Variants in ADHFE1 observed in about 807,000 individuals in gnomAD.
The protein encoded by ADHFE1 is hydroxyacid-oxoacid transhydrogenase, mitochondrial.
In ADHFE1, 37 loss-of-function variants were observed where a neutral mutation model predicts 54.8. The ratio of observed to expected loss-of-function variants is 0.68; its 90% CI spans 0.52 to 0.89. ADHFE1 has a LOEUF of 0.89. ADHFE1 is among the 40% of genes least tolerant of loss of function. The probability of loss-of-function intolerance (pLI) is 0.00; values close to 1 mark genes in which losing one functional copy is unlikely to be tolerated. For missense variants in ADHFE1, 601 were observed against 591.2 expected, an observed-to-expected ratio of 1.02 and a Z score of -0.17; for synonymous variants, 203 against 229.3, an observed-to-expected ratio of 0.89 and a Z score of 1.04.
Position 66,451,084 on chromosome 8 carries a change from C to T in ADHFE1, c.735-869C>T, listed in dbSNP as rs143159871. On this transcript the variant is annotated intron_variant, in intron 8 of 13. Transcript: ENST00000396623. The stretch of plus-strand genomic sequence containing the variant: ...ATTATACTGAAAACTATAATTCATG[C>T]AAAATATAGTTCATGTTACACTGTG... Among the ~76,000 whole-genome samples the T allele has an allele frequency of 6.1e-3, 924 of 152,252 alleles. 5 individuals are homozygous for T. Among genetic ancestry groups the T allele is most frequent in the African/African-American group, 0.022 (896 of 41,528 alleles).
At chr8:66,440,283 A>T in intron 2 of ADHFE1, 84 bp downstream of exon 2, 1 of 1,326,592 alleles carries the variant, frequency 7.5e-7, no homozygotes, top group Non-Finnish European at 1.1e-6. Context: ...GTATGTAAAG[A>T]AAACCAAGGC....
intron 13 of ADHFE1, among the ~76,000 whole-genome samples, chr8:66,461,043 C>T (rs12335128): frequency 0.23 from 35,231 of 152,084 alleles, 4,389 homozygotes; most frequent in African/African-American, 0.3. Context: ...ATCCCTAATT[C>T]GGTAGAATCA....
At chr8:66,437,730 A>G (rs532930322) in intron 1 of ADHFE1, among the ~76,000 whole-genome samples, 1 of 152,224 alleles carries the variant, frequency 6.6e-6, no homozygotes, top group Non-Finnish European at 1.5e-5. Flanking sequence ...GAGAAACAGT[A>G]GATCCTGCCT....
At chr8:66,468,055 T>A (rs975897104) in intron 13 of ADHFE1, among the ~76,000 whole-genome samples, 1 of 152,182 alleles carries the variant, frequency 6.6e-6, no homozygotes, top group East Asian at 1.9e-4. Context: ...CAAGGGGCAG[T>A]GGCTTTCGAA....
At chr8:66,434,692 C>G (rs899821780) in intron 1 of ADHFE1, among the ~76,000 whole-genome samples, 3 of 152,330 alleles carry the variant, frequency 2.0e-5, no homozygotes, top group East Asian at 1.9e-4. Flanking sequence ...CCAACACATT[C>G]CATAGAGCAA....
At chr8:66,445,998 T>C (rs1806004272) in intron 6 of ADHFE1, among the ~76,000 whole-genome samples, 1 of 152,244 alleles carries the variant, frequency 6.6e-6, no homozygotes, top group Admixed American at 6.5e-5. Flanking sequence ...TCTTTTCTTC[T>C]CTGCCATTTT....
chr8:66,451,298 T>A (rs1321811680), intron 8 of ADHFE1, among the ~76,000 whole-genome samples: 1 of 152,246 alleles, frequency 6.6e-6, no homozygotes. Flanking sequence ...ATAATAATAG[T>A]GAATACTAAG....
intron 9 of ADHFE1, 57 bp downstream of exon 9, chr8:66,452,162 G>T: frequency 5.0e-6 from 8 of 1,587,860 alleles, no homozygotes; most frequent in South Asian, 1.1e-5. Flanking sequence ...CTGCCAGCAC[G>T]TGAAACATGA....
intron 6 of ADHFE1, among the ~76,000 whole-genome samples, chr8:66,446,472 T>C (rs1300574054): frequency 6.6e-6 from 1 of 152,176 alleles, no homozygotes; most frequent in Non-Finnish European, 1.5e-5. Context: ...AGCCTGAGGT[T>C]CCCAGAGCTC....
chr8:66,445,357 A>T lies in ADHFE1; in HGVS notation c.493A>T (p.Ser165Cys), dbSNP rs1563489019. 6.2e-7 allele frequency: 1 copy of T among 1,613,922 alleles called. No individual in the cohort carries two copies. The highest frequency in any genetic ancestry group is 8.5e-7 in the Non-Finnish European group (1 of 1,180,024). ...SPHSDFLDYV[S>C]APIGKGKPVS... The stretch of plus-strand genomic sequence containing the variant: ...TCATTCTGATTTCCTAGATTATGTC[A>T]GTGCCCCCATTGGCAAGGGAAAGCC... Residue 165 changes from serine to cysteine, a missense_variant, in exon 6 of 14, where the codon AGT (serine) becomes TGT (cysteine). Physicochemically the swap from Ser to Cys is moderately radical, Grantham distance 112. Transcript: ENST00000396623.
chr8:66,436,795 C>T (rs1805489225), intron 1 of ADHFE1, among the ~76,000 whole-genome samples: 1 of 152,124 alleles, frequency 6.6e-6, no homozygotes, highest in Non-Finnish European at 1.5e-5. Flanking sequence ...CTGAGCCGTC[C>T]AGGGTCAGGA....
chr8:66,432,630 C>A (rs1047363075), intron 1 of ADHFE1, 55 bp downstream of exon 1: 2 of 1,275,274 alleles, frequency 1.6e-6, no homozygotes, highest in Admixed American at 4.2e-5. Flanking sequence ...ACGCAGCCCC[C>A]TGGGTGTGAC....
chr8:66,447,221 T>C, intron 6 of ADHFE1, 43 bp from the exon 7 acceptor site: 1 of 1,571,626 alleles, frequency 6.4e-7, no homozygotes, highest in South Asian at 1.1e-5. Flanking sequence ...TCCACTAACC[T>C]TTATTTAGAT....
chr8:66,468,183 A>G (rs1807302421), intron 13 of ADHFE1, 86 bp from the exon 14 acceptor site: 1 of 992,466 alleles, frequency 1.0e-6, no homozygotes, highest in African/African-American at 1.6e-5. Context: ...ATTGATTCTT[A>G]TGACCAAGTT....
At position 66,444,739 on chromosome 8, in the gene ADHFE1, C is replaced by T. The variant is rs767967392; in HGVS notation, c.344C>T (p.Thr115Met). 21 of 1,613,798 alleles carry T rather than the reference C, an allele frequency of 1.3e-5. No homozygotes were observed. Among genetic ancestry groups the T allele is most frequent in the Admixed American group, 1.7e-5 (1 of 59,932 alleles). Residue 115 changes from threonine to methionine, a missense_variant, in exon 5 of 14, where the codon ACG becomes ATG. By Grantham distance (81) the Thr-to-Met change is moderately conservative. Transcript: ENST00000396623. ...TATGATAATGTGAGAGTGGAACCAA[C>T]GGATTCAAGGTATTCTTGTATTGTT... is the stretch of plus-strand genomic sequence containing the variant. ...TVYDNVRVEP[T>M]DSSFMEAIEF...
chr8:66,454,690 A>G (rs1234537177), intron 10 of ADHFE1, among the ~76,000 whole-genome samples: 1 of 151,174 alleles, frequency 6.6e-6, no homozygotes, highest in Non-Finnish European at 1.5e-5. Context: ...CTTAGCAACT[A>G]CCAATTTACT....
chr8:66,456,444 G>T (rs1399387705), intron 10 of ADHFE1, among the ~76,000 whole-genome samples: 2 of 152,200 alleles, frequency 1.3e-5, no homozygotes, highest in Non-Finnish European at 2.9e-5. Context: ...ACACTGCCAA[G>T]GAACTGCCAG....
At position 66,438,867 on chromosome 8, in the gene ADHFE1, G is replaced by GA. The variant is rs5892054; in HGVS notation, c.60-1285dup. ...TGAGATAGCCTCAGAGCTTGGGGAAGAAAAAAAAAAGGTGGCGGGGGGTGT... is the reference window on the plus strand; with the variant it reads ...TGAGATAGCCTCAGAGCTTGGGGAAGAAAAAAAAAAAGGTGGCGGGGGGTGT... On this transcript the variant is annotated intron_variant, in intron 1 of 13. Coordinates refer to ENST00000396623, the MANE Select transcript of ADHFE1 (RefSeq NM_144650.3). Among the ~76,000 whole-genome samples, 14 of 149,610 alleles carry GA rather than the reference G, an allele frequency of 9.4e-5. No individual in the cohort carries two copies. The East Asian group carries it at 1.4e-3, about 15-fold the overall frequency.
At chr8:66,444,512 T>TA in intron 4 of ADHFE1, 82 bp from the exon 5 acceptor site, 1 of 1,607,444 alleles carries the variant, frequency 6.2e-7, no homozygotes. Context: ...CCTCTATTTT[T>TA]AAAAATGTAC....
Sources: gnomAD v4.1 joint callset for allele counts (sites outside exome capture counted in the v4.1 genomes callset) on GRCh38, gnomAD v4.1.1 for gene constraint, MANE v1.5 for transcripts, NCBI Gene and HGNC (gene_info 2026-07-23, HGNC 2026-07-21) for gene names.